EHBP1: variants seen among roughly 807,000 people sequenced by gnomAD.
EHBP1 encodes EH domain-binding protein 1.
A neutral mutation model predicts 144.0 loss-of-function variants in EHBP1; 55 were observed. That is an observed-to-expected ratio of 0.38 (90% confidence interval 0.31 to 0.48). The LOEUF (loss-of-function observed/expected upper bound fraction) is 0.48, where lower values mean the gene tolerates loss of function less well. EHBP1 is among the 20% of genes least tolerant of loss of function. The probability of loss-of-function intolerance (pLI) is 0.98; values close to 1 mark genes in which losing one functional copy is unlikely to be tolerated. For synonymous variants in EHBP1, 469 were observed against 472.7 expected (o/e 0.99, Z 0.10); for missense variants, 1,200 against 1,364.2 (o/e 0.88, Z 1.90).
chr2:62,810,908 T>G (rs2044946126), intron 5 of EHBP1, among the ~76,000 whole-genome samples: 1 of 152,226 alleles, frequency 6.6e-6, no homozygotes, highest in Admixed American at 6.5e-5. Context: ...CCTTAGCAAC[T>G]TTGTAGTCAA....
At chr2:62,838,436 A>G (rs1228224192) in intron 7 of EHBP1, among the ~76,000 whole-genome samples, 2 of 151,936 alleles carry the variant, frequency 1.3e-5, no homozygotes, top group African/African-American at 2.4e-5. Context: ...AAGAACTAGA[A>G]AAGCAAGAGC....
chr2:62,884,097 A>G (rs2051710447), intron 10 of EHBP1, among the ~76,000 whole-genome samples: 1 of 152,252 alleles, frequency 6.6e-6, no homozygotes, highest in African/African-American at 2.4e-5. Context: ...ATTCACATGT[A>G]TATGCCTATG....
At chr2:62,842,170 T>G (rs2047940117) in intron 7 of EHBP1, among the ~76,000 whole-genome samples, 1 of 152,048 alleles carries the variant, frequency 6.6e-6, no homozygotes, top group Admixed American at 6.6e-5. Context: ...CACTGTAACT[T>G]CCACCTCCCA....
Position 62,730,436 on chromosome 2 carries a change from A to G in EHBP1, c.105-16959A>G, listed in dbSNP as rs755415043. On this transcript the variant is annotated intron_variant, in intron 2 of 22. Transcript: ENST00000431489. ...CTTTTTAGATTGGCTTCTTTCAGTC[A>G]TCAATATGCATTGAAGTTTCCTCCA... Among the ~76,000 whole-genome samples the G allele has an allele frequency of 1.6e-4, 25 of 152,290 alleles. 1 individual carries two copies. The highest frequency in any genetic ancestry group is 3.9e-4 in the Admixed American group (6 of 15,286).
At chr2:62,739,388 CT>C (rs796281688) in intron 2 of EHBP1, among the ~76,000 whole-genome samples, 1,867 of 139,292 alleles carry the variant, frequency 0.013, 35 homozygotes, top group African/African-American at 0.043. Flanking sequence ...TTGATAGATT[CT>C]TTTTTTTTTT....
chr2:62,900,512 T>C (rs1010211602), intron 10 of EHBP1, among the ~76,000 whole-genome samples: 1 of 151,656 alleles, frequency 6.6e-6, no homozygotes, highest in African/African-American at 2.4e-5. Context: ...TCCCAGGTAC[T>C]CAGGAGGCTC....
chr2:63,036,834 C>T (rs1240644544), intron 19 of EHBP1, among the ~76,000 whole-genome samples: 1 of 151,734 alleles, frequency 6.6e-6, no homozygotes, highest in East Asian at 1.9e-4. Context: ...TGGATATTAG[C>T]GATGGAGAAT....
At chr2:62,712,217 T>C (rs1467946939) in intron 2 of EHBP1, among the ~76,000 whole-genome samples, 2 of 152,136 alleles carry the variant, frequency 1.3e-5, no homozygotes, top group African/African-American at 4.8e-5. Context: ...CATTCATTGT[T>C]ACAAGGGGAG....
intron 7 of EHBP1, among the ~76,000 whole-genome samples, chr2:62,835,399 G>A (rs2047134127): frequency 6.6e-6 from 1 of 152,040 alleles, no homozygotes; most frequent in Admixed American, 6.6e-5. Context: ...ATTTTAGGCT[G>A]GTATTCTCTC....
chr2:62,993,494 T>A, intron 16 of EHBP1, 36 bp from the exon 17 acceptor site: 1 of 1,449,228 alleles, frequency 6.9e-7, no homozygotes, highest in South Asian at 1.7e-5. Context: ...GTTTATGAGA[T>A]CAGGACTCTC....
intron 19 of EHBP1, among the ~76,000 whole-genome samples, chr2:63,032,295 G>T (rs1015360062): frequency 6.6e-6 from 1 of 150,946 alleles, no homozygotes; most frequent in Non-Finnish European, 1.5e-5. Context: ...CAGGCTGGGC[G>T]CGGTGCCTCA....
At chr2:62,888,659 A>G (rs1254877956) in intron 10 of EHBP1, among the ~76,000 whole-genome samples, 1 of 152,198 alleles carries the variant, frequency 6.6e-6, no homozygotes, top group Non-Finnish European at 1.5e-5. Context: ...TGCTTTATAA[A>G]GACTGAGCAG....
intron 1 of EHBP1, among the ~76,000 whole-genome samples, chr2:62,693,580 T>C (rs1048269071): frequency 2.6e-5 from 4 of 152,156 alleles, no homozygotes; most frequent in African/African-American, 7.2e-5. Flanking sequence ...ATCAGGGCAA[T>C]TGGGATATCT....
intron 15 of EHBP1, among the ~76,000 whole-genome samples, chr2:62,987,428 A>G (rs1157713061): frequency 2.6e-5 from 4 of 152,144 alleles, no homozygotes; most frequent in Non-Finnish European, 4.4e-5. Context: ...ATCTATCCAT[A>G]ATGTTTTTAT....
intron 20 of EHBP1, among the ~76,000 whole-genome samples, chr2:63,038,119 C>G (rs1263638298): frequency 6.6e-6 from 1 of 151,912 alleles, no homozygotes; most frequent in African/African-American, 2.4e-5. Context: ...AAAATGGAGT[C>G]TAGACAAAAT....
intron 10 of EHBP1, among the ~76,000 whole-genome samples, chr2:62,901,971 A>T (rs1213512210): frequency 6.6e-6 from 1 of 152,102 alleles, no homozygotes; most frequent in Non-Finnish European, 1.5e-5. Context: ...TCTCAAAAAA[A>T]AAAAAAGAAA....
chr2:62,733,178 C>T (rs1374353806), intron 2 of EHBP1, among the ~76,000 whole-genome samples: 3 of 152,128 alleles, frequency 2.0e-5, no homozygotes, highest in African/African-American at 7.2e-5. Flanking sequence ...AAATGATGTA[C>T]TGGGTATGTG....
intron 6 of EHBP1, 28 bp downstream of exon 6, chr2:62,826,296 C>T: frequency 1.3e-6 from 2 of 1,560,926 alleles, no homozygotes; most frequent in South Asian, 1.2e-5. Context: ...AATAAGCTTC[C>T]TTACATTGTG....
At chr2:62,909,819 G>A (rs939174978) in intron 10 of EHBP1, among the ~76,000 whole-genome samples, 55 of 152,066 alleles carry the variant, frequency 3.6e-4, no homozygotes, top group African/African-American at 1.1e-3. Flanking sequence ...GTGCAGTGGC[G>A]CAATATTGGC....
Sources: allele counts gnomAD v4.1 joint callset (sites outside exome capture counted in the v4.1 genomes callset), GRCh38; gene constraint gnomAD v4.1.1; transcripts MANE v1.5; gene names NCBI Gene and HGNC (gene_info 2026-07-23, HGNC 2026-07-21).